GRIA4: variants seen among roughly 807,000 people sequenced by gnomAD.
GRIA4 encodes glutamate ionotropic receptor AMPA type subunit 4, also known as glutamate receptor 4.
In GRIA4, 34 loss-of-function variants were observed where a neutral mutation model predicts 104.0. The observed-to-expected ratio is 0.33, with a 90% confidence interval of 0.25 to 0.44. The LOEUF (loss-of-function observed/expected upper bound fraction) is 0.44. Among genes scored for constraint, GRIA4 ranks in the 20% least tolerant of loss-of-function variants. GRIA4 has a pLI of 1.00. For synonymous variants in GRIA4, 386 were observed against 381.9 expected (o/e 1.01, Z -0.13); for missense variants, 750 against 1,096.5 (o/e 0.68, Z 4.46).
At chr11:105,915,322 C>G (rs566417471) in intron 10 of GRIA4, among the ~76,000 whole-genome samples, 1 of 152,216 alleles carries the variant, frequency 6.6e-6, no homozygotes, top group Admixed American at 6.5e-5. Context: ...TAAGCTGAAG[C>G]CTTTTCTAGT....
chr11:105,715,215 A>C (rs1954049637), intron 3 of GRIA4, among the ~76,000 whole-genome samples: 1 of 152,218 alleles, frequency 6.6e-6, no homozygotes, highest in Non-Finnish European at 1.5e-5. Flanking sequence ...CATAATCAAA[A>C]GATGCTGTAA....
chr11:105,637,972 T>A (rs1288525485), intron 3 of GRIA4, among the ~76,000 whole-genome samples: 1 of 152,166 alleles, frequency 6.6e-6, no homozygotes, highest in Non-Finnish European at 1.5e-5. Flanking sequence ...AATTGACAAA[T>A]AATTGTGTAT....
intron 3 of GRIA4, among the ~76,000 whole-genome samples, chr11:105,662,293 C>A (rs143243470): frequency 1.0e-3 from 152 of 151,926 alleles, no homozygotes; most frequent in African/African-American, 3.5e-3. Context: ...GTGCATGTAT[C>A]TCTAACTGGC....
intron 3 of GRIA4, among the ~76,000 whole-genome samples, chr11:105,684,620 T>C (rs919901070): frequency 4.7e-5 from 7 of 147,506 alleles, no homozygotes; most frequent in African/African-American, 1.7e-4. Flanking sequence ...ATATTTATAT[T>C]TTATATTTAT....
intron 3 of GRIA4, among the ~76,000 whole-genome samples, chr11:105,618,492 G>A (rs778173970): frequency 7.9e-5 from 12 of 151,978 alleles, no homozygotes; most frequent in African/African-American, 2.9e-4. Context: ...CTGTGTGGGA[G>A]GGTGCAGGGG....
chr11:105,679,272 C>CAA (rs1359340425), intron 3 of GRIA4, among the ~76,000 whole-genome samples: 1 of 152,092 alleles, frequency 6.6e-6, no homozygotes, highest in Non-Finnish European at 1.5e-5. Flanking sequence ...CCCCTTTACT[C>CAA]AGAATCCACC....
chr11:105,762,287 G>T (rs1284953741), intron 4 of GRIA4, among the ~76,000 whole-genome samples: 1 of 152,164 alleles, frequency 6.6e-6, no homozygotes, highest in Non-Finnish European at 1.5e-5. Context: ...GCCTCCCAGA[G>T]TGCTGGGATT....
intron 10 of GRIA4, chr11:105,912,501 C>T: frequency 1.5e-6 from 1 of 661,614 alleles, no homozygotes; most frequent in Non-Finnish European, 1.9e-6. Context: ...CTAAAAATGA[C>T]TGAAAAAATC....
At chr11:105,617,400 A>G (rs1301952446) in intron 3 of GRIA4, among the ~76,000 whole-genome samples, 2 of 151,864 alleles carry the variant, frequency 1.3e-5, no homozygotes, top group African/African-American at 2.4e-5. Flanking sequence ...TCTTCCAAAG[A>G]CTATCTAGTA....
chr11:105,698,026 C>T (rs1263728116), intron 3 of GRIA4, among the ~76,000 whole-genome samples: 1 of 152,078 alleles, frequency 6.6e-6, no homozygotes, highest in Admixed American at 6.6e-5. Flanking sequence ...TGAAACATGG[C>T]CCTTCCTCTC....
chr11:105,971,945 A>G lies in GRIA4; in HGVS notation c.2326A>G (p.Ser776Gly). 1 of 1,612,202 alleles carries G rather than the reference A, an allele frequency of 6.2e-7. No individual in the cohort carries two copies. Among genetic ancestry groups the G allele is most frequent in the Non-Finnish European group, 8.5e-7 (1 of 1,178,566 alleles). Residue 776 changes from serine (S) to glycine (G), a missense_variant, in exon 15 of 17, where the codon AGT becomes GGT. Physicochemically the swap from Ser to Gly is moderately conservative, Grantham distance 56. Coordinates refer to ENST00000282499, the MANE Select transcript of GRIA4 (RefSeq NM_000829.4). ...TGTAAACCTTGCCGTTTTGAAACTC[A>G]GTGAGGCAGGCGTCTTAGACAAGCT... is the stretch of plus-strand genomic sequence containing the variant. ...TPVNLAVLKL[S>G]EAGVLDKLKN...
intron 13 of GRIA4, among the ~76,000 whole-genome samples, chr11:105,930,505 A>T (rs1442097211): frequency 3.3e-5 from 5 of 152,140 alleles, no homozygotes; most frequent in Non-Finnish European, 5.9e-5. Flanking sequence ...AGGTATACAT[A>T]ATTCAATGTA....
At chr11:105,739,627 T>C (rs529131174) in intron 3 of GRIA4, among the ~76,000 whole-genome samples, 1 of 152,280 alleles carries the variant, frequency 6.6e-6, no homozygotes, top group South Asian at 2.1e-4. Context: ...CCTATGATAA[T>C]GCCTTAAGGG....
intron 16 of GRIA4, 23 bp from the exon 17 acceptor site, chr11:105,979,552 T>C (rs746662415): frequency 6.2e-7 from 1 of 1,611,034 alleles, no homozygotes; most frequent in Non-Finnish European, 8.5e-7. Flanking sequence ...GCGTTCTTTC[T>C]GCTTCCTTTC....
At chr11:105,625,971 G>A (rs1950876452) in intron 3 of GRIA4, among the ~76,000 whole-genome samples, 1 of 152,042 alleles carries the variant, frequency 6.6e-6, no homozygotes, top group South Asian at 2.1e-4. Context: ...TAAATTCTGT[G>A]GGACTCTTTA....
At chr11:105,650,043 A>G (rs904307147) in intron 3 of GRIA4, among the ~76,000 whole-genome samples, 15 of 152,300 alleles carry the variant, frequency 9.8e-5, no homozygotes, top group African/African-American at 3.4e-4. Context: ...GTATAATATA[A>G]TTTCAACCAC....
At chr11:105,786,113 C>G (rs1443968775) in intron 4 of GRIA4, among the ~76,000 whole-genome samples, 2 of 136,710 alleles carry the variant, frequency 1.5e-5, no homozygotes, top group African/African-American at 5.5e-5. Flanking sequence ...CCACTACATT[C>G]CAGCCTGGGC....
At chr11:105,824,973 G>A (rs4495866) in intron 4 of GRIA4, among the ~76,000 whole-genome samples, 18,761 of 152,000 alleles carry the variant, frequency 0.12, 1,274 homozygotes, top group Admixed American at 0.22. Context: ...TCAGAGAATG[G>A]TCTTTTCTCC....
At chr11:105,711,467 A>G (rs535468110) in intron 3 of GRIA4, among the ~76,000 whole-genome samples, 5 of 152,184 alleles carry the variant, frequency 3.3e-5, no homozygotes, top group Non-Finnish European at 5.9e-5. Context: ...ATTCCTTCAT[A>G]TGATAGAACA....
Sources: gnomAD v4.1 joint callset for allele counts (sites outside exome capture counted in the v4.1 genomes callset) on GRCh38, gnomAD v4.1.1 for gene constraint, MANE v1.5 for transcripts, NCBI Gene and HGNC (gene_info 2026-07-23, HGNC 2026-07-21) for gene names.